PLEC: variants seen among roughly 807,000 people sequenced by gnomAD.
PLEC encodes plectin.
In PLEC, 216 loss-of-function variants were observed where a neutral mutation model predicts 392.8. The observed-to-expected ratio is 0.55, with a 90% confidence interval of 0.49 to 0.62. The LOEUF (loss-of-function observed/expected upper bound fraction) is 0.62, where lower values mean the gene tolerates loss of function less well. PLEC is among the 20% of genes least tolerant of loss of function. PLEC has a pLI of 0.00. For missense variants in PLEC, 6,863 were observed against 6,563.4 expected (o/e 1.05, Z -1.58); for synonymous variants, 3,621 against 2,980.6 (o/e 1.21, Z -7.00).
chr8:143,925,498 T>C lies in PLEC; in HGVS notation c.4431A>G (p.Ala1477=), dbSNP rs964373338. Residue 1477 remains alanine (A), a synonymous_variant, in exon 31 of 32, where the codon GCA becomes GCG. Coordinates refer to ENST00000345136, the MANE Select transcript of PLEC (RefSeq NM_201384.3). ...QRGGAEGELQ[A]LRARAEEAEA... ...CAGCCTCCTCCGCCCGTGCACGCAG[T>C]GCCTGCAGCTCCCCCTCAGCCCCGC... The C allele has an allele frequency of 6.3e-7, 1 of 1,595,968 alleles. No homozygotes were observed. Among genetic ancestry groups the C allele is most frequent in the Non-Finnish European group, 8.5e-7 (1 of 1,178,062 alleles).
intron 30 of PLEC, among the ~76,000 whole-genome samples, chr8:143,926,140 G>A (rs896171801): frequency 4.6e-5 from 7 of 152,224 alleles, no homozygotes; most frequent in African/African-American, 4.8e-5. Context: ...GACAGGCGAC[G>A]GAGACAGACG....
Position 143,923,256 on chromosome 8 carries a change from G to A in PLEC, c.6673C>T (p.Gln2225Ter), listed in dbSNP as rs1554691714. The A allele has an allele frequency of 6.2e-7, 1 of 1,605,594 alleles. No homozygotes were observed. The highest frequency in any genetic ancestry group is 8.5e-7 in the Non-Finnish European group (1 of 1,179,854). Residue 2225 changes from glutamine (Q) to a stop codon, truncating the protein, a stop_gained, in exon 31 of 32, where the codon CAG (glutamine) becomes TAG (stop). Coordinates refer to ENST00000345136, the MANE Select transcript of PLEC (RefSeq NM_201384.3). LOFTEE classifies it high-confidence loss of function. ...EATEAARQRS[Q>*]VEEELFSVRV... ...ACCGAGAAGAGCTCCTCCTCCACCT[G>A]GCTGCGCTGGCGTGCGGCCTCCGTG...
At position 143,916,791 on chromosome 8, in the gene PLEC, T is replaced by G; in HGVS notation, c.13030A>C (p.Ile4344Leu). ...GCCAGGTTGATGCGGTCCACCATGA[T>G]CTTGTCCACCAGGCCCTTGTTGACG... ...DAVNKGLVDK[I>L]MVDRINLAQK... The change falls in exon 32 of 32, where the codon ATC (isoleucine) becomes CTC (leucine). Residue 4344 changes from isoleucine to leucine, a missense_variant. Ile to Leu is a conservative substitution (Grantham distance 5, BLOSUM62 2). Coordinates refer to ENST00000345136, the MANE Select transcript of PLEC (RefSeq NM_201384.3). 1 of 1,613,242 alleles carries G rather than the reference T, an allele frequency of 6.2e-7. No individual in the cohort carries two copies. Among genetic ancestry groups the G allele is most frequent in the Non-Finnish European group, 8.5e-7 (1 of 1,179,962 alleles).
exon 1 of PLEC, chr8:143,950,427 G>C (rs3902410): frequency 6.2e-7 from 1 of 1,602,428 alleles, no homozygotes; most frequent in Non-Finnish European, 8.5e-7. Flanking sequence ...AGAGAGGCGG[G>C]CACGATCTCT....
In PLEC at chr8:143,929,292, A is replaced by C. The variant is rs1554710623; in HGVS notation, c.3082-11T>G. 1.9e-6 allele frequency: 3 copies of C among 1,597,826 alleles called. No homozygotes were observed. The South Asian group carries it at 3.3e-5, about 18-fold the overall frequency. On this transcript the variant is annotated splice_polypyrimidine_tract_variant and intron_variant, in intron 24 of 31. Transcript: ENST00000345136. ...CTCTGCCTGTGCCTTCTGCAAAGAC[A>C]GGGAGTGGGAACGCACTCATCACCG...
Position 143,927,675 on chromosome 8 carries a change from T to C in PLEC, c.3491A>G (p.Gln1164Arg), listed in dbSNP as rs782101451. 2.5e-5 allele frequency: 39 copies of C among 1,581,496 alleles called. No homozygotes were observed. Among genetic ancestry groups the C allele is most frequent in the Non-Finnish European group, 3.3e-5 (38 of 1,163,736 alleles). The change falls in exon 27 of 32, where the codon CAG becomes CGG. Residue 1164 changes from glutamine to arginine, a missense_variant. Physicochemically the swap from Gln to Arg is conservative, Grantham distance 43 (BLOSUM62 1). Coordinates refer to ENST00000345136, the MANE Select transcript of PLEC (RefSeq NM_201384.3). ...RGAQEVGERL[Q>R]QRHGERDVEV... ...CACGTCCCGCTCCCCGTGCCGCTGC[T>C]GCAGTCGCTCCCCCACCTCCTGTGC...
Position 143,918,193 on chromosome 8 carries a change from T to C in PLEC, c.11628A>G (p.Pro3876=), listed in dbSNP as rs7822511. Residue 3876 remains proline, a synonymous_variant, in exon 32 of 32, where the codon CCA becomes CCG. Coordinates refer to ENST00000345136, the MANE Select transcript of PLEC (RefSeq NM_201384.3). The part of the protein sequence containing the change: ...RDDGTGQLLL[P]LSDARKLTFR... Reference sequence around the variant, plus strand: ...AGGTCAGCTTGCGGGCGTCCGACAGTGGCAGGAGCAGCTGGCCGGTGCCGT... The same window carrying C: ...AGGTCAGCTTGCGGGCGTCCGACAGCGGCAGGAGCAGCTGGCCGGTGCCGT... The C allele has an allele frequency of 0.44, 695,482 of 1,588,308 alleles. 161,212 individuals carry two copies. The highest frequency in any genetic ancestry group is 0.85 in the African/African-American group (63,126 of 74,692).
In PLEC at chr8:143,939,427, T is replaced by G. The variant is rs540577935; in HGVS notation, c.35A>C (p.Glu12Ala). ...SQHQLRVPQP[E>A]GLGRKRTSSE... is the part of the protein sequence containing the mutation. ...GCTGGTTCTCTTTCGGCCCAGGCCC[T>G]CGGGCTGCGGCACGCGGAGCTGGTG... The change falls in exon 1 of 32, where the codon GAG becomes GCG. Residue 12 changes from glutamate to alanine, a missense_variant. Physicochemically the swap from Glu to Ala is moderately radical, Grantham distance 107. Coordinates refer to ENST00000345136, the MANE Select transcript of PLEC (RefSeq NM_201384.3). 1 of 1,612,392 alleles carries G rather than the reference T, an allele frequency of 6.2e-7. No individual in the cohort carries two copies. Among genetic ancestry groups the G allele is most frequent in the Non-Finnish European group, 8.5e-7 (1 of 1,179,760 alleles).
chr8:143,940,176 G>A (rs115951941), upstream of PLEC, among the ~76,000 whole-genome samples: 36 of 152,302 alleles, frequency 2.4e-4, no homozygotes, highest in African/African-American at 8.2e-4. Context: ...GGCCAGTGGG[G>A]TCCCACCCCA....
exon 1 of PLEC, chr8:143,950,331 G>A: frequency 6.3e-7 from 1 of 1,577,052 alleles, no homozygotes; most frequent in Non-Finnish European, 8.6e-7. Flanking sequence ...CGCTTGGGTG[G>A]GGAGCCCAGG....
chr8:143,919,218 C>A lies in PLEC; in HGVS notation c.10603G>T (p.Glu3535Ter). 6.2e-7 allele frequency: 1 copy of A among 1,613,856 alleles called. No homozygotes were observed. The highest frequency in any genetic ancestry group is 8.5e-7 in the Non-Finnish European group (1 of 1,180,046). The change falls in exon 32 of 32, where the codon GAG becomes TAG. Residue 3535 changes from glutamate (E) to a stop codon, truncating the protein, a stop_gained. Coordinates refer to ENST00000345136, the MANE Select transcript of PLEC (RefSeq NM_201384.3). LOFTEE classifies it high-confidence loss of function. The stretch of plus-strand genomic sequence containing the variant: ...AGTGGCAGAAGGCGCAAGCCCGTCT[C>A]GGGGTCCTCCACGCACCGCTCCAGC... ...QLLERCVEDP[E>*]TGLRLLPLKG... is the part of the protein sequence containing the mutation.
At chr8:143,952,054 G>A (rs533304325), upstream of PLEC, among the ~76,000 whole-genome samples, 21 of 152,342 alleles carry the variant, frequency 1.4e-4, no homozygotes, top group Non-Finnish European at 2.6e-4. Flanking sequence ...AGGGCGGTGG[G>A]GGGGAGTGGG....
In PLEC at chr8:143,924,225, A is replaced by T; in HGVS notation, c.5704T>A (p.Ser1902Thr). The T allele has an allele frequency of 6.3e-7, 1 of 1,597,696 alleles. No individual in the cohort carries two copies. The highest frequency in any genetic ancestry group is 1.7e-4 in the Middle Eastern group (1 of 6,054). ...EERLAQLRKASDSELERQKGL... is the reference protein window; with the variant it reads ...EERLAQLRKATDSELERQKGL... ...TTCTGCCGCTCCAGCTCGCTGTCCG[A>T]TGCCTTGCGCAGCTGGGCCAGGCGC... Residue 1902 changes from serine to threonine, a missense_variant, in exon 31 of 32, where the codon TCG becomes ACG. By Grantham distance (58) the Ser-to-Thr change is moderately conservative (BLOSUM62 1). Transcript: ENST00000345136.
intron 1 of PLEC, among the ~76,000 whole-genome samples, chr8:143,961,482 C>T (rs1229228097): frequency 1.3e-5 from 2 of 152,190 alleles, no homozygotes; most frequent in East Asian, 1.9e-4. Context: ...ACTCGGCCCC[C>T]CAAAGTGTTG....
rs782820777 is a variant in PLEC at position 143,917,185 on chromosome 8, G to A, written c.12636C>T (p.Asn4212=). The change falls in exon 32 of 32, where the codon AAC becomes AAT. Residue 4212 remains asparagine, a synonymous_variant. Transcript: ENST00000345136. ...QYDIDDAIAK[N]LIDRSALDQY... is the part of the protein sequence containing the mutation. ...GGTCCAGTGCCGAGCGGTCGATGAG[G>A]TTCTTGGCGATGGCATCATCGATGT... The A allele has an allele frequency of 6.2e-7, 1 of 1,612,790 alleles. No homozygotes were observed. Among genetic ancestry groups the A allele is most frequent in the South Asian group, 1.1e-5 (1 of 91,084 alleles).
Position 143,927,497 on chromosome 8 carries a change from C to A in PLEC, c.3669G>T (p.Leu1223=). 1 of 1,596,938 alleles carries A rather than the reference C, an allele frequency of 6.3e-7. No homozygotes were observed. The highest frequency in any genetic ancestry group is 8.5e-7 in the Non-Finnish European group (1 of 1,178,558). Residue 1223 remains leucine, a synonymous_variant, in exon 27 of 32, where the codon CTG becomes CTT. Transcript: ENST00000345136. The stretch of plus-strand genomic sequence containing the variant: ...GCTCCTGCCGCCGCCTGGCGTCCTG[C>A]AGCCAGGCGCCCAAGGGGTCTGCAC... ...RESADPLGAW[L]QDARRRQEQI... is the part of the protein sequence containing the mutation.
chr8:143,933,144 C>A (rs200717884), intron 13 of PLEC, 33 bp from the exon 14 acceptor site: 2 of 1,413,844 alleles, frequency 1.4e-6, no homozygotes, highest in African/African-American at 1.4e-5. Flanking sequence ...TAGGTGTTGG[C>A]GGGCCTGGGG....
chr8:143,928,068 G>A, intron 25 of PLEC, 76 bp from the exon 26 acceptor site: 1 of 1,506,458 alleles, frequency 6.6e-7, no homozygotes, highest in Non-Finnish European at 8.9e-7. Context: ...CCAAGCCACA[G>A]CGACCCAGGG....
chr8:143,926,991 T>C lies in PLEC; in HGVS notation c.3931A>G (p.Ser1311Gly). The C allele has an allele frequency of 6.2e-7, 1 of 1,613,084 alleles. No individual in the cohort carries two copies. ...KKPKVQSGSESVIQEYVDLRT... is the reference protein window; with the variant it reads ...KKPKVQSGSEGVIQEYVDLRT... The stretch of plus-strand genomic sequence containing the variant: ...CCCCACCCTACCTCCTGGATGACAC[T>C]CTCTGATCCCGACTGGACCTTGGGC... Residue 1311 changes from serine (S) to glycine (G), a missense_variant, in exon 29 of 32, where the codon AGT (serine) becomes GGT (glycine). Coordinates refer to ENST00000345136, the MANE Select transcript of PLEC (RefSeq NM_201384.3).
Sources: allele counts gnomAD v4.1 joint callset (sites outside exome capture counted in the v4.1 genomes callset), GRCh38; gene constraint gnomAD v4.1.1; transcripts MANE v1.5; gene names NCBI Gene and HGNC (gene_info 2026-07-23, HGNC 2026-07-21).